PAK5: variants seen among roughly 807,000 people sequenced by gnomAD.
PAK5 encodes p21 (RAC1) activated kinase 5.
PAK5 carries 16 observed loss-of-function variants against 65.9 expected under a neutral mutation model. The observed-to-expected ratio is 0.24, with a 90% CI of 0.16 to 0.37. PAK5 has a LOEUF of 0.37. Ranked by LOEUF, PAK5 falls within the 10% of genes least tolerant of loss-of-function variation. The probability of loss-of-function intolerance (pLI) is 1.00; values close to 1 mark genes in which losing one functional copy is unlikely to be tolerated. For missense variants in PAK5, 785 were observed against 903.9 expected, an observed-to-expected ratio of 0.87 and a Z score of 1.69; for synonymous variants, 371 against 354.9, an observed-to-expected ratio of 1.05 and a Z score of -0.51.
chr20:9,583,892 T>G (rs1213023690), intron 3 of PAK5, among the ~76,000 whole-genome samples: 1 of 152,258 alleles, frequency 6.6e-6, no homozygotes, highest in Non-Finnish European at 1.5e-5. Flanking sequence ...GCCTTTCAGC[T>G]TGACTTCTTT....
At chr20:9,574,039 T>C (rs986592332) in intron 4 of PAK5, among the ~76,000 whole-genome samples, 1 of 152,154 alleles carries the variant, frequency 6.6e-6, no homozygotes, top group African/African-American at 2.4e-5. Context: ...TTGTCCTCAC[T>C]TGACTCAAAG....
chr20:9,765,877 G>A (rs1048567975), intron 1 of PAK5, among the ~76,000 whole-genome samples: 1 of 152,104 alleles, frequency 6.6e-6, no homozygotes, highest in Non-Finnish European at 1.5e-5. Context: ...GCACTAGAAT[G>A]CTCACTGCAG....
chr20:9,543,868 G>T (rs374615597), intron 8 of PAK5, among the ~76,000 whole-genome samples: 99 of 152,240 alleles, frequency 6.5e-4, no homozygotes, highest in African/African-American at 2.2e-3. Context: ...CCATGTTTTT[G>T]ACTATGATTC....
intron 1 of PAK5, among the ~76,000 whole-genome samples, chr20:9,784,861 C>A (rs748717121): frequency 4.6e-5 from 7 of 151,818 alleles, no homozygotes; most frequent in Non-Finnish European, 1.0e-4. Flanking sequence ...TCGCAGTCTG[C>A]CTTACCTAAG....
intron 1 of PAK5, among the ~76,000 whole-genome samples, chr20:9,797,080 T>C (rs1193211510): frequency 6.6e-6 from 1 of 151,538 alleles, no homozygotes; most frequent in Non-Finnish European, 1.5e-5. Context: ...ATGATCACCA[T>C]TCTAACTGGT....
At chr20:9,623,504 A>G (rs1339854703) in intron 3 of PAK5, among the ~76,000 whole-genome samples, 1 of 152,232 alleles carries the variant, frequency 6.6e-6, no homozygotes, top group Non-Finnish European at 1.5e-5. Context: ...AATGTACCAA[A>G]TTATTGTACC....
At position 9,810,129 on chromosome 20, in the gene PAK5, C is replaced by T. The variant is rs192490706; in HGVS notation, c.-162+28633G>A. On this transcript the variant is annotated intron_variant, in intron 1 of 9. Coordinates refer to ENST00000353224, the MANE Select transcript of PAK5 (RefSeq NM_177990.4). ...CCTGTGCAGCAGTGGTTCCCAACCT[C>T]CTCTGCTCCTGGAGGGCTTTCAGCA... 9.8e-5 allele frequency among the ~76,000 whole-genome samples: 15 copies of T among 152,288 alleles called. 1 individual carries two copies. Among genetic ancestry groups the T allele is most frequent in the East Asian group, 3.9e-4 (2 of 5,180 alleles).
intron 3 of PAK5, among the ~76,000 whole-genome samples, chr20:9,588,449 G>T (rs2046108722): frequency 6.6e-6 from 1 of 152,132 alleles, no homozygotes; most frequent in Admixed American, 6.6e-5. Context: ...TAAGCAGGGG[G>T]TTGCAAAATG....
chr20:9,759,198 A>G (rs1018892006), intron 1 of PAK5, among the ~76,000 whole-genome samples: 1 of 152,174 alleles, frequency 6.6e-6, no homozygotes, highest in Non-Finnish European at 1.5e-5. Flanking sequence ...GTTATATAAG[A>G]TGATGCAGAA....
intron 3 of PAK5, among the ~76,000 whole-genome samples, chr20:9,581,582 A>C (rs1410121227): frequency 2.0e-5 from 3 of 152,172 alleles, no homozygotes; most frequent in Non-Finnish European, 4.4e-5. Context: ...AAGTATATAT[A>C]CTTATACTAT....
intron 2 of PAK5, among the ~76,000 whole-genome samples, chr20:9,670,013 C>A (rs1005081648): frequency 1.3e-5 from 2 of 151,932 alleles, no homozygotes; most frequent in Admixed American, 1.3e-4. Context: ...TGAGTGAGAA[C>A]ATGCGGTGTG....
intron 9 of PAK5, among the ~76,000 whole-genome samples, chr20:9,539,939 G>A (rs925224962): frequency 1.3e-5 from 2 of 152,200 alleles, no homozygotes; most frequent in African/African-American, 2.4e-5. Flanking sequence ...CTGGTCACAC[G>A]TGCTTGATGA....
intron 1 of PAK5, among the ~76,000 whole-genome samples, chr20:9,809,285 C>T (rs544159199): frequency 3.9e-4 from 59 of 150,338 alleles, no homozygotes; most frequent in Non-Finnish European, 6.3e-4. Flanking sequence ...GCAAAATGAA[C>T]AATTCAGTTA....
At chr20:9,659,075 G>A (rs2047308975) in intron 2 of PAK5, among the ~76,000 whole-genome samples, 1 of 152,158 alleles carries the variant, frequency 6.6e-6, no homozygotes, top group African/African-American at 2.4e-5. Flanking sequence ...TGAGATACGT[G>A]GTAGGTGTTG....
chr20:9,759,138 G>A (rs534350254), intron 1 of PAK5, among the ~76,000 whole-genome samples: 11 of 152,188 alleles, frequency 7.2e-5, no homozygotes, highest in South Asian at 4.2e-4. Context: ...TTAACACTAC[G>A]TCCTACAAGA....
intron 1 of PAK5, among the ~76,000 whole-genome samples, chr20:9,749,723 C>G (rs2048552451): frequency 6.6e-6 from 1 of 152,182 alleles, no homozygotes; most frequent in African/African-American, 2.4e-5. Context: ...TGATCCATGA[C>G]AAGACAAGGA....
chr20:9,623,379 A>T (rs1296847114), intron 3 of PAK5, among the ~76,000 whole-genome samples: 2 of 152,212 alleles, frequency 1.3e-5, no homozygotes, highest in South Asian at 4.1e-4. Flanking sequence ...GAAAAGCAAC[A>T]TGATCAAATC....
At chr20:9,768,908 A>G (rs1328520804) in intron 1 of PAK5, among the ~76,000 whole-genome samples, 1 of 151,846 alleles carries the variant, frequency 6.6e-6, no homozygotes, top group Non-Finnish European at 1.5e-5. Context: ...ATATATGACT[A>G]TTATGTTCCC....
At chr20:9,624,894 GAAAC>G (rs556150370) in intron 3 of PAK5, among the ~76,000 whole-genome samples, 24 of 152,276 alleles carry the variant, frequency 1.6e-4, no homozygotes, top group Admixed American at 1.3e-3. Flanking sequence ...GCATCTCACA[GAAAC>G]AAACAAACAA....
Sources: allele counts gnomAD v4.1 joint callset (sites outside exome capture counted in the v4.1 genomes callset), GRCh38; gene constraint gnomAD v4.1.1; transcripts MANE v1.5; gene names NCBI Gene and HGNC (gene_info 2026-07-23, HGNC 2026-07-21).